The following ARHGAP22 variants were observed in gnomAD, a reference collection of about 807,000 sequenced individuals.
ARHGAP22 encodes the protein Rho GTPase activating protein 22.
In ARHGAP22, 48 loss-of-function variants were observed where a neutral mutation model predicts 59.1. The observed-to-expected ratio is 0.81, with a 90% CI of 0.64 to 1.03. ARHGAP22 has a LOEUF of 1.03. Ranked by LOEUF, ARHGAP22 falls within the 50% of genes least tolerant of loss-of-function variation. The probability of loss-of-function intolerance (pLI) is 0.00; values close to 1 mark genes in which losing one functional copy is unlikely to be tolerated. For missense variants in ARHGAP22, 1,015 were observed against 958.7 expected (o/e 1.06, Z -0.78); for synonymous variants, 445 against 416.4 (o/e 1.07, Z -0.84).
At chr10:48,519,122 G>A (rs1002190145) in intron 3 of ARHGAP22, among the ~76,000 whole-genome samples, 1 of 152,200 alleles carries the variant, frequency 6.6e-6, no homozygotes, top group African/African-American at 2.4e-5. Context: ...GGCAGAGCAG[G>A]AGGCAGCCAC....
rs2889613 is a variant in ARHGAP22, at chr10:48,466,717, C to T, written c.452-6826G>A. The T allele has an allele frequency of 3.2e-3, 469 of 147,760 alleles. 3 individuals are homozygous for T. The highest frequency in any genetic ancestry group is 0.014 in the Middle Eastern group (4 of 286). 9.2% of individuals were successfully genotyped at this position (147,760 alleles called of 1,614,324 possible). A position where few individuals can be genotyped will look rare whatever the true frequency, so the allele number is the denominator to read the frequency against. ...GCGCGGCGGCGGCTGGAATGCCCGG[C>T]ACGCGCGCAGGTAGCGTCTTGCCCG... On this transcript the variant is annotated intron_variant, in intron 4 of 9. Coordinates refer to ENST00000249601, the MANE Select transcript of ARHGAP22 (RefSeq NM_021226.4).
chr10:48,549,161 T>C (rs1251059554), intron 3 of ARHGAP22, among the ~76,000 whole-genome samples: 1 of 152,184 alleles, frequency 6.6e-6, no homozygotes, highest in East Asian at 1.9e-4. Flanking sequence ...TCAACAAATA[T>C]GATATTTGTT....
chr10:48,522,721 C>A (rs1231246740), intron 3 of ARHGAP22, among the ~76,000 whole-genome samples: 1 of 152,208 alleles, frequency 6.6e-6, no homozygotes. Flanking sequence ...GCCCCTGCTT[C>A]CAAGAATGAA....
chr10:48,528,697 G>A (rs779385256), intron 3 of ARHGAP22, among the ~76,000 whole-genome samples: 2 of 152,124 alleles, frequency 1.3e-5, no homozygotes. Context: ...TTGGGTCATG[G>A]GGCTGATTCT....
chr10:48,467,488 T>C (rs1188040812), intron 4 of ARHGAP22, among the ~76,000 whole-genome samples: 1 of 151,806 alleles, frequency 6.6e-6, no homozygotes. Context: ...TGAATATTTA[T>C]TTCACACAGT....
intron 3 of ARHGAP22, among the ~76,000 whole-genome samples, chr10:48,493,873 C>G (rs530656314): frequency 6.6e-6 from 1 of 152,346 alleles, no homozygotes; most frequent in Admixed American, 6.5e-5. Context: ...AACCCCAGCT[C>G]AGTGCCACTA....
intron 1 of ARHGAP22, among the ~76,000 whole-genome samples, chr10:48,647,542 A>G (rs996442018): frequency 1.3e-5 from 2 of 152,038 alleles, no homozygotes; most frequent in Non-Finnish European, 2.9e-5. Context: ...TAATAAAACA[A>G]TAGCAAGTGT....
intron 1 of ARHGAP22, among the ~76,000 whole-genome samples, chr10:48,595,482 C>T (rs2060014101): frequency 1.3e-5 from 2 of 151,964 alleles, no homozygotes; most frequent in Non-Finnish European, 2.9e-5. Context: ...TCTTGAGTGC[C>T]CCTACTTTTA....
upstream of ARHGAP22, among the ~76,000 whole-genome samples, chr10:48,654,327 A>G (rs900311436): frequency 5.9e-5 from 9 of 152,180 alleles, no homozygotes; most frequent in African/African-American, 2.2e-4. Context: ...GACCAACACA[A>G]AGAAAGAGCC....
chr10:48,545,532 C>T (rs1351878429), intron 3 of ARHGAP22, among the ~76,000 whole-genome samples: 5 of 152,174 alleles, frequency 3.3e-5, no homozygotes, highest in Admixed American at 6.5e-5. Flanking sequence ...AGGGGCTGCA[C>T]GAGGTCAGGC....
intron 4 of ARHGAP22, among the ~76,000 whole-genome samples, chr10:48,473,134 T>A (rs546291890): frequency 2.0e-5 from 3 of 152,348 alleles, no homozygotes; most frequent in African/African-American, 7.2e-5. Context: ...AAATGTGGTA[T>A]ATCCATACAA....
chr10:48,575,519 T>C (rs2058656771), intron 2 of ARHGAP22: 2 of 152,202 alleles, frequency 1.3e-5, no homozygotes, highest in African/African-American at 2.4e-5. Flanking sequence ...CCAATATTAA[T>C]GTTCCACTCC....
chr10:48,523,302 G>C (rs555200213), intron 3 of ARHGAP22, among the ~76,000 whole-genome samples: 1 of 152,346 alleles, frequency 6.6e-6, no homozygotes, highest in East Asian at 1.9e-4. Flanking sequence ...CGCGGCAGGT[G>C]AGTGTTAGGG....
At chr10:48,549,001 G>T (rs530503037) in intron 3 of ARHGAP22, among the ~76,000 whole-genome samples, 1 of 152,320 alleles carries the variant, frequency 6.6e-6, no homozygotes, top group African/African-American at 2.4e-5. Context: ...GAGTCCCAGG[G>T]GCCTTGCCTG....
intron 2 of ARHGAP22, among the ~76,000 whole-genome samples, chr10:48,578,259 G>T (rs1430607510): frequency 1.3e-5 from 2 of 152,048 alleles, no homozygotes; most frequent in Non-Finnish European, 2.9e-5. Context: ...GCTCTCCTTT[G>T]TGCTGGTTTG....
intron 5 of ARHGAP22, among the ~76,000 whole-genome samples, chr10:48,456,792 TCTTA>T (rs941280477): frequency 4.0e-5 from 6 of 151,832 alleles, no homozygotes; most frequent in African/African-American, 1.5e-4. Flanking sequence ...GTACCTGAGC[TCTTA>T]CTTCCTTTCC....
At chr10:48,495,042 T>C (rs2050777701) in intron 3 of ARHGAP22, among the ~76,000 whole-genome samples, 1 of 152,244 alleles carries the variant, frequency 6.6e-6, no homozygotes, top group Non-Finnish European at 1.5e-5. Flanking sequence ...ACTTTCTCTA[T>C]AGAACTTATC....
At chr10:48,595,361 G>T (rs759103674) in intron 1 of ARHGAP22, among the ~76,000 whole-genome samples, 5 of 152,158 alleles carry the variant, frequency 3.3e-5, no homozygotes, top group Non-Finnish European at 7.4e-5. Flanking sequence ...GGAAGAGATG[G>T]TTTCATCAAG....
At chr10:48,543,390 A>G (rs1415850276) in intron 3 of ARHGAP22, among the ~76,000 whole-genome samples, 1 of 152,172 alleles carries the variant, frequency 6.6e-6, no homozygotes, top group Non-Finnish European at 1.5e-5. Flanking sequence ...CACCCTGAGC[A>G]CAGCCTCAGG....
Sources: gnomAD v4.1 joint callset for allele counts (sites outside exome capture counted in the v4.1 genomes callset) on GRCh38, gnomAD v4.1.1 for gene constraint, MANE v1.5 for transcripts, NCBI Gene and HGNC (gene_info 2026-07-23, HGNC 2026-07-21) for gene names.